The following ZBTB49 variants were observed in gnomAD, a reference collection of about 807,000 sequenced individuals.
ZBTB49 encodes zinc finger and BTB domain-containing protein 49.
Under a neutral mutation model 57.5 loss-of-function variants are expected in ZBTB49, and 43 were observed. The observed-to-expected ratio is 0.75, with a 90% confidence interval of 0.59 to 0.97. The LOEUF (loss-of-function observed/expected upper bound fraction) is 0.97. Ranked by LOEUF, ZBTB49 falls within the 50% of genes least tolerant of loss-of-function variation. ZBTB49 has a pLI of 0.00. For missense variants in ZBTB49, 938 were observed against 947.7 expected, an observed-to-expected ratio of 0.99 and a Z score of 0.13; for synonymous variants, 369 against 362.1, an observed-to-expected ratio of 1.02 and a Z score of -0.22.
At chr4:4,299,900 T>C (rs779929038) in intron 1 of ZBTB49, 27 bp from the exon 2 acceptor site, 1 of 1,605,438 alleles carries the variant, frequency 6.2e-7, no homozygotes, top group South Asian at 1.1e-5. Context: ...TAAGAATATC[T>C]GTCGTATCTG....
intron 5 of ZBTB49, among the ~76,000 whole-genome samples, chr4:4,314,033 G>A (rs931271465): frequency 2.1e-4 from 32 of 152,242 alleles, no homozygotes; most frequent in Admixed American, 1.9e-3. Flanking sequence ...TTAGAAGTCA[G>A]TGTCCTCATA....
chr4:4,297,821 C>T (rs1158954055), intron 1 of ZBTB49, among the ~76,000 whole-genome samples: 1 of 151,088 alleles, frequency 6.6e-6, no homozygotes, highest in East Asian at 1.9e-4. Context: ...GACAGCTCAC[C>T]TAAGCCCTGA....
At chr4:4,313,703 G>C (rs1251884350) in intron 5 of ZBTB49, among the ~76,000 whole-genome samples, 6 of 152,198 alleles carry the variant, frequency 3.9e-5, no homozygotes, top group African/African-American at 9.6e-5. Context: ...CTCTTCCCCT[G>C]CTGTGTGTGC....
At chr4:4,304,391 T>A (rs972942721) in intron 3 of ZBTB49, among the ~76,000 whole-genome samples, 2 of 152,068 alleles carry the variant, frequency 1.3e-5, no homozygotes, top group Non-Finnish European at 2.9e-5. Flanking sequence ...AATTTTTTTG[T>A]ATTTTTAGTA....
rs1227139746 is a variant in ZBTB49, at chr4:4,302,295, C to A, written c.459C>A (p.Pro153=). ...CTTGTGTTATCAGTGAAAACTACCC[C>A]CCTCATTTACTGCAGGAATGTTCAG... ...DATCVISENY[P]PHLLQECSAD... is the part of the protein sequence containing the mutation. The change falls in exon 3 of 8, where the codon CCC becomes CCA. Residue 153 remains proline (P), a synonymous_variant. Transcript: ENST00000337872. 3.7e-6 allele frequency: 6 copies of A among 1,614,090 alleles called. No individual in the cohort carries two copies. The highest frequency in any genetic ancestry group is 1.6e-4 in the Middle Eastern group (1 of 6,062).
chr4:4,302,478 C>G lies in ZBTB49; in HGVS notation c.642C>G (p.Tyr214Ter). 1 of 1,614,184 alleles carries G rather than the reference C, an allele frequency of 6.2e-7. No homozygotes were observed. Among genetic ancestry groups the G allele is most frequent in the African/African-American group, 1.3e-5 (1 of 75,048 alleles). Residue 214 changes from tyrosine (Y) to a stop codon, truncating the protein, a stop_gained, in exon 3 of 8, where the codon TAC becomes TAG. Transcript: ENST00000337872. LOFTEE classifies it high-confidence loss of function. The part of the protein sequence containing the change: ...ELPFKQPNYY[Y>*]KLRNFYSKQY... ...CTTTCAAACAGCCAAATTACTATTA[C>G]AAACTCAGAAACTTTTACAGTAAGC... is the stretch of plus-strand genomic sequence containing the variant.
chr4:4,306,954 C>T (rs2108885836), intron 4 of ZBTB49, among the ~76,000 whole-genome samples: 1 of 152,366 alleles, frequency 6.6e-6, no homozygotes, highest in East Asian at 1.9e-4. Flanking sequence ...GTGCATGCCT[C>T]TGGAGCTGGG....
intron 4 of ZBTB49, among the ~76,000 whole-genome samples, chr4:4,312,130 G>T (rs772589692): frequency 6.6e-5 from 10 of 151,942 alleles, no homozygotes; most frequent in Non-Finnish European, 1.3e-4. Context: ...CATTTTTACC[G>T]CTGGGTATAT....
At chr4:4,309,836 C>T (rs1044558813) in intron 4 of ZBTB49, among the ~76,000 whole-genome samples, 8 of 152,184 alleles carry the variant, frequency 5.3e-5, no homozygotes, top group Non-Finnish European at 1.2e-4. Flanking sequence ...ACACCTTTAC[C>T]GTTGAATGTC....
chr4:4,314,443 C>T (rs181136332), intron 5 of ZBTB49, among the ~76,000 whole-genome samples: 113 of 152,378 alleles, frequency 7.4e-4, no homozygotes, highest in Non-Finnish European at 1.5e-3. Context: ...TGAATCTCGG[C>T]TCACTGCAAC....
Position 4,320,808 on chromosome 4 carries a change from A to G in ZBTB49, c.1790A>G (p.Glu597Gly). ...GGTGACGAGAGCCCAGATGTGCTGG[A>G]GGAGCTCAGCCAAGCCATCGAGACC... is the stretch of plus-strand genomic sequence containing the variant. ...KAGDESPDVL[E>G]ELSQAIETSD... is the part of the protein sequence containing the mutation. Residue 597 changes from glutamate to glycine, a missense_variant, in exon 8 of 8, where the codon GAG (glutamate) becomes GGG (glycine). By Grantham distance (98) the Glu-to-Gly change is moderately conservative. Around this residue, in one of 3 missense-constraint regions of ZBTB49, gnomAD observed 835 missense variants for 819.1 expected, o/e 1.02. Transcript: ENST00000337872. 1 of 1,614,158 alleles carries G rather than the reference A, an allele frequency of 6.2e-7. No individual in the cohort carries two copies. Among genetic ancestry groups the G allele is most frequent in the Non-Finnish European group, 8.5e-7 (1 of 1,180,018 alleles).
At chr4:4,292,460 C>G (rs1719992007) in intron 1 of ZBTB49, among the ~76,000 whole-genome samples, 1 of 152,128 alleles carries the variant, frequency 6.6e-6, no homozygotes, top group African/African-American at 2.4e-5. Context: ...AGACACAGAG[C>G]CTGTGAAGAG....
chr4:4,303,760 C>CTCTGTGTGTG (rs1223289249), intron 3 of ZBTB49, among the ~76,000 whole-genome samples: 3 of 121,324 alleles, frequency 2.5e-5, no homozygotes, highest in African/African-American at 1.0e-4. Flanking sequence ...CTCTCTCTCT[C>CTCTGTGTGTG]TGTGTGTGTG....
intron 7 of ZBTB49, 100 bp downstream of exon 7, chr4:4,316,070 T>C: frequency 6.9e-7 from 1 of 1,440,906 alleles, no homozygotes. Flanking sequence ...ATGAGCCCTT[T>C]GTTTCCTCCT....
chr4:4,302,511 T>C lies in ZBTB49; in HGVS notation c.675T>C (p.His225=). The change falls in exon 3 of 8, where the codon CAT becomes CAC. Residue 225 remains histidine (H), a synonymous_variant. Transcript: ENST00000337872. Reference sequence around the variant, plus strand: ...GAAACTTTTACAGTAAGCAGTACCATAAACACGCAGCTGGTCCCAGTCAGG... The same window carrying C: ...GAAACTTTTACAGTAAGCAGTACCACAAACACGCAGCTGGTCCCAGTCAGG... ...KLRNFYSKQY[H]KHAAGPSQER... 1 of 1,614,096 alleles carries C rather than the reference T, an allele frequency of 6.2e-7. No individual in the cohort carries two copies. The highest frequency in any genetic ancestry group is 1.1e-5 in the South Asian group (1 of 91,072).
chr4:4,313,739 C>T (rs981578949), intron 5 of ZBTB49, among the ~76,000 whole-genome samples: 5 of 152,244 alleles, frequency 3.3e-5, no homozygotes, highest in African/African-American at 7.2e-5. Context: ...ACCCTCCTTC[C>T]TGTCCTTGGG....
rs1720548380 is a variant in ZBTB49, at chr4:4,302,705, C to T, written c.869C>T (p.Ser290Leu). Residue 290 changes from serine to leucine, a missense_variant, in exon 3 of 8, where the codon TCA becomes TTA. Ser to Leu is a moderately radical substitution (Grantham distance 145). Coordinates refer to ENST00000337872, the MANE Select transcript of ZBTB49 (RefSeq NM_145291.4). ...PVNDSAPHPE[S>L]DATCQQPVKQ... Reference sequence around the variant, plus strand: ...AATGACTCTGCCCCACACCCTGAGTCAGACGCCACATGCCAACAACCTGTC... The same window carrying T: ...AATGACTCTGCCCCACACCCTGAGTTAGACGCCACATGCCAACAACCTGTC... 1 of 1,612,950 alleles carries T rather than the reference C, an allele frequency of 6.2e-7. No homozygotes were observed. The highest frequency in any genetic ancestry group is 1.3e-5 in the African/African-American group (1 of 74,862).
In ZBTB49 at chr4:4,302,128, C is replaced by A. The variant is rs1720501943; in HGVS notation, c.292C>A (p.Leu98Met). 1 of 1,614,100 alleles carries A rather than the reference C, an allele frequency of 6.2e-7. No individual in the cohort carries two copies. The highest frequency in any genetic ancestry group is 8.5e-7 in the Non-Finnish European group (1 of 1,180,046). Residue 98 changes from leucine to methionine, a missense_variant, in exon 3 of 8, where the codon CTG becomes ATG. Coordinates refer to ENST00000337872, the MANE Select transcript of ZBTB49 (RefSeq NM_145291.4). ...DLNQDNIQVM[L>M]DTAQCLQVQN... is the part of the protein sequence containing the mutation. ...TAACCAGGACAATATACAAGTAATG[C>A]TGGACACAGCACAGTGTTTGCAAGT...
At chr4:4,298,748 T>C (rs141644471) in intron 1 of ZBTB49, among the ~76,000 whole-genome samples, 44 of 152,304 alleles carry the variant, frequency 2.9e-4, no homozygotes, top group African/African-American at 1.0e-3. Flanking sequence ...CTAACCTTCA[T>C]AGTCTTGTCC....
Sources: allele counts gnomAD v4.1 joint callset (sites outside exome capture counted in the v4.1 genomes callset), GRCh38; gene constraint gnomAD v4.1.1; regional missense constraint gnomAD v4.1.1; transcripts MANE v1.5; gene names NCBI Gene and HGNC (gene_info 2026-07-23, HGNC 2026-07-21).